The following CPLX2 variants were observed in gnomAD, a reference collection of about 807,000 sequenced individuals.
CPLX2 encodes complexin-2.
In CPLX2, 5 loss-of-function variants were observed where a neutral mutation model predicts 16.3. The observed-to-expected ratio is 0.31, with a 90% CI of 0.16 to 0.64. The LOEUF is 0.64. Among genes scored for constraint, CPLX2 ranks in the 30% least tolerant of loss-of-function variants. The pLI, the probability that CPLX2 is intolerant of heterozygous loss-of-function variation, is 0.79. For synonymous variants in CPLX2, 89 were observed against 73.2 expected (o/e 1.22, Z -1.10); for missense variants, 144 against 181.4 (o/e 0.79, Z 1.18).
In CPLX2 at chr5:175,865,071, T is replaced by C. The variant is rs1759447096; in HGVS notation, c.-88-13581T>C. ...ACCCTCCCCCAACCACATACTCACATGCACGCATGTGCGCGCGCGCACACA... is the reference window on the plus strand; with the variant it reads ...ACCCTCCCCCAACCACATACTCACACGCACGCATGTGCGCGCGCGCACACA... On this transcript the variant is annotated intron_variant, in intron 2 of 4. Coordinates refer to the CPLX2 transcript ENST00000359546. 2.6e-5 allele frequency among the ~76,000 whole-genome samples: 3 copies of C among 115,624 alleles called. No homozygotes were observed. The South Asian group carries it at 8.9e-4, about 34-fold the overall frequency. 75.9% of individuals were successfully genotyped at this position (115,624 alleles called of 152,430 possible).
chr5:175,847,703 A>ACCACACACAG (rs1229745789), intron 2 of CPLX2, among the ~76,000 whole-genome samples: 3 of 152,194 alleles, frequency 2.0e-5, no homozygotes, highest in Non-Finnish European at 4.4e-5. Flanking sequence ...GCGGCTGCAG[A>ACCACACACAG]ACCTGCCCAG....
rs1383959801 is a variant in CPLX2, at chr5:175,882,181, CCTGTGT to C, written c.*2142_*2147del. On this transcript the variant is annotated 3_prime_UTR_variant, in exon 4 of 4. Transcript: ENST00000393745. ...CAGGGGGCCTGTGTCTGTGTCTGTG[CCTGTGT>C]CTGTGATGGGGAGCCGCCTCGCACC... The C allele has an allele frequency of 1.3e-5, 2 of 151,964 alleles. No homozygotes were observed. The highest frequency in any genetic ancestry group is 2.9e-5 in the Non-Finnish European group (2 of 68,016). The allele number at this position is 151,964 out of a possible 1,614,324, so 9.4% of individuals were successfully genotyped here.
intron 1 of CPLX2, among the ~76,000 whole-genome samples, chr5:175,877,070 A>C (rs1362658894): frequency 6.6e-6 from 1 of 152,096 alleles, no homozygotes; most frequent in African/African-American, 2.4e-5. Context: ...ATTCTCCTTC[A>C]AACGTCCATT....
At chr5:175,816,387 T>C (rs1418381910) in intron 2 of CPLX2, among the ~76,000 whole-genome samples, 2 of 152,104 alleles carry the variant, frequency 1.3e-5, no homozygotes, top group East Asian at 1.9e-4. Context: ...AGGATGGTCT[T>C]GATCTCCTGA....
chr5:175,843,713 C>G (rs1236024880), intron 2 of CPLX2, among the ~76,000 whole-genome samples: 2 of 152,250 alleles, frequency 1.3e-5, no homozygotes. Context: ...CCCAGGGTCT[C>G]GCTCCATGTG....
intron 2 of CPLX2, among the ~76,000 whole-genome samples, chr5:175,823,331 G>A (rs1051170756): frequency 2.6e-5 from 4 of 152,206 alleles, no homozygotes; most frequent in African/African-American, 7.2e-5. Context: ...AAAACAGACA[G>A]CTGGATGGGT....
intron 2 of CPLX2, among the ~76,000 whole-genome samples, chr5:175,810,356 GT>G (rs546273394): frequency 9.7e-4 from 147 of 152,290 alleles, no homozygotes; most frequent in Middle Eastern, 6.8e-3. Context: ...GCTGTCTGGG[GT>G]TTCCACATTC....
chr5:175,861,810 C>A (rs999673811), intron 2 of CPLX2: 15 of 152,168 alleles, frequency 9.9e-5, no homozygotes, highest in Non-Finnish European at 1.8e-4. Flanking sequence ...ATAACCATGA[C>A]CCCCTCAAGA....
chr5:175,864,217 C>T (rs1759425539), intron 2 of CPLX2, among the ~76,000 whole-genome samples: 1 of 152,240 alleles, frequency 6.6e-6, no homozygotes, highest in African/African-American at 2.4e-5. Context: ...CAGGGAAAAG[C>T]CACACACCAT....
intron 2 of CPLX2, among the ~76,000 whole-genome samples, chr5:175,860,607 GA>G (rs1759355292): frequency 3.4e-5 from 5 of 148,988 alleles, no homozygotes. Context: ...AGGAAGGAAG[GA>G]AGGAAGGAAG....
intron 2 of CPLX2, among the ~76,000 whole-genome samples, chr5:175,836,156 C>T (rs1339189338): frequency 6.6e-6 from 1 of 152,094 alleles, no homozygotes; most frequent in Admixed American, 6.5e-5. Flanking sequence ...CGAAACCATC[C>T]TGGCTAACAC....
chr5:175,801,150 C>T (rs1758087636), intron 1 of CPLX2, among the ~76,000 whole-genome samples: 1 of 99,644 alleles, frequency 1.0e-5, no homozygotes, highest in Admixed American at 1.1e-4. Context: ...TGGCTTTAAG[C>T]AGAGGAGTGT....
upstream of CPLX2, among the ~76,000 whole-genome samples, chr5:175,869,926 G>A (rs550728185): frequency 2.6e-4 from 39 of 152,334 alleles, no homozygotes; most frequent in African/African-American, 8.9e-4. Context: ...TGTAACCAGA[G>A]TGCTGCCAGC....
Position 175,848,140 on chromosome 5 carries a change from G to A in CPLX2, c.-88-30512G>A, listed in dbSNP as rs1759084868. Reference sequence around the variant, plus strand: ...CTGTCCAGCCAGGAAACTCCTAGAAGTCTCCCCAGAGCCCATCATACCTAT... The same window carrying A: ...CTGTCCAGCCAGGAAACTCCTAGAAATCTCCCCAGAGCCCATCATACCTAT... On this transcript the variant is annotated intron_variant, in intron 2 of 4. Transcript: ENST00000359546. 2.0e-5 allele frequency among the ~76,000 whole-genome samples: 3 copies of A among 152,318 alleles called. No homozygotes were observed. The South Asian group carries it at 6.2e-4, about 32-fold the overall frequency.
intron 2 of CPLX2, among the ~76,000 whole-genome samples, chr5:175,831,759 T>C (rs17065537): frequency 0.056 from 8,593 of 152,214 alleles, 278 homozygotes; most frequent in Middle Eastern, 0.12. Context: ...GGATTAAACA[T>C]GCCTAACGGA....
chr5:175,832,927 G>A (rs1162006090), intron 2 of CPLX2, among the ~76,000 whole-genome samples: 1 of 152,068 alleles, frequency 6.6e-6, no homozygotes, highest in Non-Finnish European at 1.5e-5. Context: ...GGCCGAGGTG[G>A]GCAGATCTAC....
At chr5:175,846,517 T>C (rs1482060344) in intron 2 of CPLX2, among the ~76,000 whole-genome samples, 7 of 152,322 alleles carry the variant, frequency 4.6e-5, no homozygotes, top group Middle Eastern at 3.4e-3. Context: ...TGGACATTTA[T>C]TGAACACCAA....
At chr5:175,874,618 G>A (rs1195872732) in intron 1 of CPLX2, among the ~76,000 whole-genome samples, 5 of 152,200 alleles carry the variant, frequency 3.3e-5, no homozygotes. Flanking sequence ...AGATGGGTGT[G>A]TGGGGAAAGC....
chr5:175,801,169 A>AAAAAAC (rs1758089364), intron 1 of CPLX2, among the ~76,000 whole-genome samples: 2 of 151,722 alleles, frequency 1.3e-5, no homozygotes, highest in Admixed American at 1.3e-4. Context: ...GTTAAAAAAA[A>AAAAAAC]AAAAAAACTG....
Sources: gnomAD v4.1 joint callset for allele counts (sites outside exome capture counted in the v4.1 genomes callset) on GRCh38, gnomAD v4.1.1 for gene constraint, MANE v1.5 for transcripts, NCBI Gene and HGNC (gene_info 2026-07-23, HGNC 2026-07-21) for gene names.